Variants in ATAD2 observed in about 807,000 individuals in gnomAD.
ATAD2 encodes ATPase family AAA domain containing 2.
Under a neutral mutation model 168.9 loss-of-function variants are expected in ATAD2, and 62 were observed. The observed-to-expected ratio is 0.37, with a 90% CI of 0.30 to 0.45. ATAD2 has a LOEUF of 0.45. Among genes scored for constraint, ATAD2 ranks in the 20% least tolerant of loss-of-function variants. ATAD2 has a pLI of 1.00. For synonymous variants in ATAD2, 613 were observed against 571.6 expected, an observed-to-expected ratio of 1.07 and a Z score of -1.03; for missense variants, 1,419 against 1,667.8, an observed-to-expected ratio of 0.85 and a Z score of 2.60.
At chr8:123,346,894 G>T in intron 16 of ATAD2, 144 bp from the exon 17 acceptor site, 2 of 1,112,322 alleles carry the variant, frequency 1.8e-6, no homozygotes, top group Non-Finnish European at 2.5e-6. Context: ...ATAAGTAAAT[G>T]TAAAAATGCA....
intron 1 of ATAD2, among the ~76,000 whole-genome samples, chr8:123,405,266 T>TTC (rs1361137010): frequency 6.6e-6 from 1 of 151,420 alleles, no homozygotes; most frequent in Non-Finnish European, 1.5e-5. Context: ...CTTTCTTTTT[T>TTC]TTTTTTTGAG....
At chr8:123,334,714 G>A (rs2131295818) in intron 22 of ATAD2, among the ~76,000 whole-genome samples, 1 of 152,276 alleles carries the variant, frequency 6.6e-6, no homozygotes, top group South Asian at 2.1e-4. Flanking sequence ...TTATTGCATT[G>A]ACAAAGAAAA....
At chr8:123,405,259 T>C (rs560168646) in intron 1 of ATAD2, among the ~76,000 whole-genome samples, 19 of 80,044 alleles carry the variant, frequency 2.4e-4, no homozygotes, top group Admixed American at 3.6e-4. Flanking sequence ...TTTCTTTCTT[T>C]CTTTTTTTTT....
chr8:123,411,655 G>A (rs575477439), intron 1 of ATAD2, among the ~76,000 whole-genome samples: 54 of 152,222 alleles, frequency 3.5e-4, no homozygotes, highest in African/African-American at 1.3e-3. Context: ...CAAGGATCGG[G>A]ATATAAACCC....
intron 8 of ATAD2, 84 bp downstream of exon 8, chr8:123,368,974 C>T (rs1390204613): frequency 7.3e-6 from 5 of 685,036 alleles, no homozygotes; most frequent in African/African-American, 1.9e-5. Flanking sequence ...TATCCTAATA[C>T]ACCCAATCCT....
At chr8:123,388,768 C>T (rs1829718663) in intron 1 of ATAD2, among the ~76,000 whole-genome samples, 1 of 152,132 alleles carries the variant, frequency 6.6e-6, no homozygotes, top group Non-Finnish European at 1.5e-5. Context: ...CTTCTGGTTT[C>T]AGGTGATCCT....
intron 25 of ATAD2, among the ~76,000 whole-genome samples, chr8:123,326,824 A>G (rs1563831598): frequency 6.6e-6 from 1 of 152,236 alleles, no homozygotes; most frequent in East Asian, 1.9e-4. Flanking sequence ...TTGGTTCTTT[A>G]AAGAAGTCTG....
At position 123,371,851 on chromosome 8, in the gene ATAD2, C is replaced by T. The variant is rs1204210178; in HGVS notation, c.371-16G>A. On this transcript the variant is annotated splice_polypyrimidine_tract_variant and intron_variant, in intron 3 of 27. Coordinates refer to ENST00000287394, the MANE Select transcript of ATAD2 (RefSeq NM_014109.4). ...ATCACTTTGTCTTCACAAATGCATACATAAAAATAAATAGAAACATTTGAA... is the reference window on the plus strand; with the variant it reads ...ATCACTTTGTCTTCACAAATGCATATATAAAAATAAATAGAAACATTTGAA... 54 of 1,539,268 alleles carry T rather than the reference C, an allele frequency of 3.5e-5. No individual in the cohort carries two copies. Among genetic ancestry groups the T allele is most frequent in the Middle Eastern group, 1.7e-4 (1 of 5,764 alleles).
intron 2 of ATAD2, among the ~76,000 whole-genome samples, chr8:123,375,878 C>A (rs951279001): frequency 1.3e-5 from 2 of 150,348 alleles, no homozygotes; most frequent in African/African-American, 4.9e-5. Context: ...GGGGCTCAGA[C>A]AGGTGGATCA....
At position 123,369,882 on chromosome 8, in the gene ATAD2, A is replaced by C. The variant is rs1317758221; in HGVS notation, c.870T>G (p.Asn290Lys). Residue 290 changes from asparagine (N) to lysine (K), a missense_variant, in exon 7 of 28, where the codon AAT becomes AAG. Transcript: ENST00000287394. ...DEDEEDGEEE[N>K]QKRYYLRQRK... ...TCTGTCTAAGATAATATCGCTTCTG[A>C]TTCTCTTCTTCTCCATCTTCTTCAT... The C allele has an allele frequency of 6.2e-7, 1 of 1,611,490 alleles. No individual in the cohort carries two copies. The highest frequency in any genetic ancestry group is 8.5e-7 in the Non-Finnish European group (1 of 1,179,256).
rs756726651 is a variant in ATAD2, at chr8:123,370,037, G to C, written c.728-13C>G. 1.3e-6 allele frequency: 2 copies of C among 1,593,088 alleles called. No homozygotes were observed. Among genetic ancestry groups the C allele is most frequent in the South Asian group, 2.2e-5 (2 of 89,936 alleles). On this transcript the variant is annotated splice_polypyrimidine_tract_variant and intron_variant, in intron 6 of 27. Transcript: ENST00000287394. ...TCTTCAGATGACTCTACAATTAAGA[G>C]ATCCTTACTTCCAGAAAGATACTCA...
rs373904648 is a variant in ATAD2, at chr8:123,369,912, A to ATCATCT, written c.834_839dup (p.Glu278_Asp279dup). On this transcript the variant is annotated inframe_insertion, in exon 7 of 28. Coordinates refer to ENST00000287394, the MANE Select transcript of ATAD2 (RefSeq NM_014109.4). ...CTTCTTCTCCATCTTCTTCATCTTC[A>ATCATCT]TCATCTTCATCATCATCATCATCAT... is the stretch of plus-strand genomic sequence containing the variant. 2.5e-6 allele frequency: 4 copies of ATCATCT among 1,584,252 alleles called. No homozygotes were observed. The highest frequency in any genetic ancestry group is 1.5e-5 in the African/African-American group (1 of 68,074).
At chr8:123,400,883 A>C (rs1812986915), upstream of ATAD2, 4 of 1,422,604 alleles carry the variant, frequency 2.8e-6, no homozygotes, top group Non-Finnish European at 3.0e-6. The surrounding 1 kb of genome is among the most constrained non-coding windows in gnomAD (Gnocchi z 4.5). Context: ...CAGGCCAAGG[A>C]GGTGCGGAAG....
chr8:123,347,134 A>C lies in ATAD2; in HGVS notation c.2170T>G (p.Phe724Val). 6.2e-7 allele frequency: 1 copy of C among 1,614,076 alleles called. No individual in the cohort carries two copies. The change falls in exon 16 of 28, where the codon TTT (phenylalanine) becomes GTT (valine). Residue 724 changes from phenylalanine (F) to valine (V), a missense_variant. Physicochemically the swap from Phe to Val is conservative, Grantham distance 50. Transcript: ENST00000287394. Reference sequence around the variant, plus strand: ...TTTGTTCTGAATTCTGCATGTGGAAATACTCTCTGCAGGGCTTCTAAAATC... The same window carrying C: ...TTTGTTCTGAATTCTGCATGTGGAACTACTCTCTGCAGGGCTTCTAAAATC... ...DKILEALQRV[F>V]PHAEFRTNKT...
At chr8:123,339,745 G>C (rs375206105) in intron 19 of ATAD2, among the ~76,000 whole-genome samples, 18 of 152,034 alleles carry the variant, frequency 1.2e-4, no homozygotes, top group African/African-American at 3.9e-4. Context: ...AAGCTAAATT[G>C]TATATTTTTT....
intron 8 of ATAD2, among the ~76,000 whole-genome samples, chr8:123,367,756 T>C (rs1010569468): frequency 2.0e-5 from 3 of 152,124 alleles, no homozygotes; most frequent in African/African-American, 7.2e-5. Context: ...TCATGTGAAA[T>C]AGGATGATGA....
intron 1 of ATAD2, among the ~76,000 whole-genome samples, chr8:123,382,259 A>C (rs1829513416): frequency 6.6e-6 from 1 of 152,174 alleles, no homozygotes; most frequent in African/African-American, 2.4e-5. Flanking sequence ...TTTATTTTTG[A>C]TTTGAGCAAA....
chr8:123,373,625 AC>A (rs1375835915), intron 2 of ATAD2, among the ~76,000 whole-genome samples: 1 of 151,906 alleles, frequency 6.6e-6, no homozygotes, highest in Non-Finnish European at 1.5e-5. Context: ...CGTCTCTACT[AC>A]AAATACAAAA....
At chr8:123,382,687 G>C (rs1369862482) in intron 1 of ATAD2, among the ~76,000 whole-genome samples, 1 of 152,188 alleles carries the variant, frequency 6.6e-6, no homozygotes, top group Non-Finnish European at 1.5e-5. Context: ...TCATTAAAAA[G>C]TCAAGAAACA....
Sources: allele counts gnomAD v4.1 joint callset (sites outside exome capture counted in the v4.1 genomes callset), GRCh38; gene constraint gnomAD v4.1.1; non-coding constraint Gnocchi (gnomAD v3.1); transcripts MANE v1.5; gene names NCBI Gene and HGNC (gene_info 2026-07-23, HGNC 2026-07-21).